The following TCF4 variants were observed in gnomAD, a reference collection of about 807,000 sequenced individuals.
TCF4 encodes transcription factor 4, also known as SL3-3 enhancer factor 2.
TCF4 carries 3 observed loss-of-function variants against 82.1 expected under a neutral mutation model. The ratio of observed to expected loss-of-function variants is 0.04; its 90% CI spans 0.02 to 0.09. TCF4 has a LOEUF of 0.09. Ranked by LOEUF, TCF4 falls within the 10% of genes least tolerant of loss-of-function variation. TCF4 has a pLI of 1.00. For missense variants in TCF4, 518 were observed against 852.7 expected (o/e 0.61, Z 4.89); for synonymous variants, 276 against 309.6 (o/e 0.89, Z 1.14).
chr18:55,515,743 G>C (rs1049892364), intron 3 of TCF4, among the ~76,000 whole-genome samples: 1 of 152,156 alleles, frequency 6.6e-6, no homozygotes, highest in South Asian at 2.1e-4. Flanking sequence ...ACAGAATGTC[G>C]TGTGAGAAAA....
At chr18:55,447,918 A>G (rs1333786818) in intron 5 of TCF4, among the ~76,000 whole-genome samples, 1 of 147,250 alleles carries the variant, frequency 6.8e-6, no homozygotes, top group Non-Finnish European at 1.5e-5. Flanking sequence ...CTTCCAACGT[A>G]GCCACTAGAA....
chr18:55,502,313 T>C (rs2096710451), intron 3 of TCF4, among the ~76,000 whole-genome samples: 1 of 152,226 alleles, frequency 6.6e-6, no homozygotes, highest in African/African-American at 2.4e-5. Flanking sequence ...CTAAAGTCAC[T>C]CTATTTAGAG....
chr18:55,473,647 T>C (rs995584913), intron 3 of TCF4, among the ~76,000 whole-genome samples: 3 of 152,220 alleles, frequency 2.0e-5, no homozygotes, highest in African/African-American at 7.2e-5. Context: ...TCAGGGGTCA[T>C]GTCTTAGTTT....
chr18:55,368,619 G>A (rs2145487025), intron 6 of TCF4, among the ~76,000 whole-genome samples: 1 of 152,310 alleles, frequency 6.6e-6, no homozygotes, highest in South Asian at 2.1e-4. Flanking sequence ...CTAAATGCAA[G>A]TATCAGCTTA....
chr18:55,263,024 T>G (rs2058369789), intron 11 of TCF4, among the ~76,000 whole-genome samples: 2 of 152,178 alleles, frequency 1.3e-5, no homozygotes, highest in African/African-American at 4.8e-5. Context: ...CAGGCTGGTC[T>G]CGAACTCCTG....
At chr18:55,255,192 G>T (rs975965727) in intron 14 of TCF4, among the ~76,000 whole-genome samples, 1 of 152,118 alleles carries the variant, frequency 6.6e-6, no homozygotes, top group African/African-American at 2.4e-5. Context: ...CAGAGACAGG[G>T]AAAAGCAAAT....
intron 3 of TCF4, among the ~76,000 whole-genome samples, chr18:55,511,191 G>A (rs1397386616): frequency 1.3e-5 from 2 of 151,774 alleles, no homozygotes; most frequent in Admixed American, 6.6e-5. Context: ...CACAATACAC[G>A]GAATTATTTT....
chr18:55,301,788 TA>T (rs10652622), intron 8 of TCF4, among the ~76,000 whole-genome samples: 1,165 of 56,230 alleles, frequency 0.021, 13 homozygotes, highest in Non-Finnish European at 0.027. Context: ...CCAAAAACTG[TA>T]AAAAAAAAAA....
chr18:55,395,962 C>T (rs1003450941), intron 6 of TCF4, among the ~76,000 whole-genome samples: 2 of 152,050 alleles, frequency 1.3e-5, no homozygotes, highest in Non-Finnish European at 2.9e-5. Context: ...CAGTCAGGAA[C>T]GATGCGATCT....
At chr18:55,281,172 A>AG (rs966916419) in intron 8 of TCF4, among the ~76,000 whole-genome samples, 11 of 152,178 alleles carry the variant, frequency 7.2e-5, no homozygotes, top group Admixed American at 3.9e-4. Flanking sequence ...GCTTACAATA[A>AG]GGAAAAAAAA....
At chr18:55,544,569 C>T (rs1368403285) in intron 3 of TCF4, among the ~76,000 whole-genome samples, 1 of 152,074 alleles carries the variant, frequency 6.6e-6, no homozygotes, top group Non-Finnish European at 1.5e-5. Flanking sequence ...TCTGACTTCT[C>T]GAAATTCTGT....
intron 3 of TCF4, among the ~76,000 whole-genome samples, chr18:55,549,172 G>T (rs946624279): frequency 2.6e-5 from 4 of 151,952 alleles, no homozygotes; most frequent in African/African-American, 9.7e-5. Flanking sequence ...GTGATGGCAC[G>T]CACCTGTGGT....
intron 3 of TCF4, among the ~76,000 whole-genome samples, chr18:55,546,172 C>A (rs1404468131): frequency 6.6e-6 from 1 of 151,646 alleles, no homozygotes; most frequent in Non-Finnish European, 1.5e-5. Flanking sequence ...CTCGTCTCCA[C>A]AAAAAAAATT....
At chr18:55,518,477 A>G (rs2146440255) in intron 3 of TCF4, among the ~76,000 whole-genome samples, 1 of 152,304 alleles carries the variant, frequency 6.6e-6, no homozygotes, top group East Asian at 1.9e-4. Flanking sequence ...ACAGTTTAAC[A>G]CTGGTCATTA....
intron 3 of TCF4, among the ~76,000 whole-genome samples, chr18:55,483,801 C>T (rs969313300): frequency 6.6e-6 from 1 of 152,152 alleles, no homozygotes; most frequent in Non-Finnish European, 1.5e-5. Context: ...AGTTATAGCT[C>T]AGCATTTTTT....
chr18:55,270,680 T>C (rs181593040), intron 10 of TCF4, among the ~76,000 whole-genome samples: 164 of 152,272 alleles, frequency 1.1e-3, no homozygotes, highest in African/African-American at 3.7e-3. Context: ...ATCACTTGGT[T>C]TAAGACTCTG....
At chr18:55,635,753 A>G (rs1349711621) in exon 1 of TCF4, 4 of 1,550,522 alleles carry the variant, frequency 2.6e-6, no homozygotes, top group Non-Finnish European at 3.5e-6. Context: ...ACCCAAGTGC[A>G]TGTTACAATG....
rs1428320846 is a variant in TCF4, at chr18:55,223,005, C to A, written c.*5030G>T. 6.6e-6 allele frequency: 1 copy of A among 152,352 alleles called. No homozygotes were observed. The highest frequency in any genetic ancestry group is 2.4e-5 in the African/African-American group (1 of 41,416). 9.4% of individuals were successfully genotyped at this position (152,352 alleles called of 1,614,324 possible). A position where few individuals can be genotyped will look rare whatever the true frequency, so the allele number is the denominator to read the frequency against. ...ATATTCAGCTTTTAACAAAGTGATA[C>A]AAAATAAATCATCTTAGATTTTTGA... On this transcript the variant is annotated 3_prime_UTR_variant, in exon 20 of 20. Coordinates refer to ENST00000354452, the MANE Select transcript of TCF4 (RefSeq NM_001083962.2).
intron 3 of TCF4, among the ~76,000 whole-genome samples, chr18:55,579,723 G>A (rs938996330): frequency 2.0e-5 from 3 of 151,808 alleles, no homozygotes; most frequent in Admixed American, 6.6e-5. Flanking sequence ...ACAGGCCTGG[G>A]GCCACCAGGA....
Sources: gnomAD v4.1 joint callset for allele counts (sites outside exome capture counted in the v4.1 genomes callset) on GRCh38, gnomAD v4.1.1 for gene constraint, MANE v1.5 for transcripts, NCBI Gene and HGNC (gene_info 2026-07-23, HGNC 2026-07-21) for gene names.